The following ITGA8 variants were observed in gnomAD, a reference collection of about 807,000 sequenced individuals.
The protein encoded by ITGA8 is integrin subunit alpha 8, also known as integrin alpha-8.
Under a neutral mutation model 142.3 loss-of-function variants are expected in ITGA8, and 91 were observed. That is an observed-to-expected ratio of 0.64 (90% CI 0.54 to 0.76). ITGA8 has a LOEUF of 0.76. ITGA8 is among the 30% of genes least tolerant of loss of function. ITGA8 has a pLI of 0.00. For missense variants in ITGA8, 1,406 were observed against 1,327.7 expected, an observed-to-expected ratio of 1.06 and a Z score of -0.92; for synonymous variants, 505 against 485.2, an observed-to-expected ratio of 1.04 and a Z score of -0.54.
intron 27 of ITGA8, among the ~76,000 whole-genome samples, chr10:15,538,472 A>G (rs1320882461): frequency 1.4e-5 from 2 of 145,354 alleles, no homozygotes; most frequent in Non-Finnish European, 3.0e-5. Flanking sequence ...AGATCATGCC[A>G]CTGTACTCCA....
At chr10:15,586,744 A>G (rs1263651015) in intron 22 of ITGA8, 80 bp from the exon 23 acceptor site, 6 of 810,732 alleles carry the variant, frequency 7.4e-6, no homozygotes, top group Admixed American at 1.9e-5. Flanking sequence ...AACATTCTAC[A>G]TATCACAGGA....
chr10:15,699,314 G>A (rs1432137657), intron 2 of ITGA8, among the ~76,000 whole-genome samples: 1 of 151,996 alleles, frequency 6.6e-6, no homozygotes, highest in Non-Finnish European at 1.5e-5. Context: ...ACAAAAACAT[G>A]GCATTATATT....
rs1011288851 is a variant in ITGA8, at chr10:15,515,073, A to G, written c.*2085T>C. 1.3e-5 allele frequency: 2 copies of G among 152,198 alleles called. No homozygotes were observed. The highest frequency in any genetic ancestry group is 1.3e-4 in the Admixed American group (2 of 15,272). The allele number at this position is 152,198 out of a possible 1,614,324, so 9.4% of individuals were successfully genotyped here. On this transcript the variant is annotated 3_prime_UTR_variant, in exon 30 of 30. Transcript: ENST00000378076. ...TTAGGACCCCAAATCCCAAGGAGCT[A>G]ATCTCTATTGGTCACAGATCAGCCA...
intron 20 of ITGA8, among the ~76,000 whole-genome samples, chr10:15,598,055 C>A (rs1291954717): frequency 2.0e-5 from 3 of 152,138 alleles, no homozygotes; most frequent in African/African-American, 4.8e-5. Flanking sequence ...AGAAACCCAC[C>A]CCTCACTCTC....
intron 13 of ITGA8, among the ~76,000 whole-genome samples, chr10:15,629,548 T>A (rs1358769831): frequency 2.0e-5 from 3 of 151,858 alleles, no homozygotes; most frequent in African/African-American, 7.3e-5. Context: ...GCAGGCATGA[T>A]TATTTTTCCC....
chr10:15,684,735 C>T (rs1020378002), intron 3 of ITGA8, among the ~76,000 whole-genome samples: 6 of 151,866 alleles, frequency 4.0e-5, no homozygotes, highest in African/African-American at 7.3e-5. Flanking sequence ...TTCCTAAAAG[C>T]GAATAACTCA....
intron 7 of ITGA8, 24 bp downstream of exon 7, chr10:15,672,600 A>C (rs773227086): frequency 6.3e-7 from 1 of 1,591,128 alleles, no homozygotes; most frequent in South Asian, 1.2e-5. Flanking sequence ...AAAAACCACA[A>C]ATGTCTTGGG....
chr10:15,713,669 AC>A (rs1424522698), intron 2 of ITGA8, among the ~76,000 whole-genome samples: 4 of 152,158 alleles, frequency 2.6e-5, no homozygotes, highest in African/African-American at 9.7e-5. Context: ...CTATAAAAAA[AC>A]AACCCTAAGC....
chr10:15,578,831 T>C (rs1165782795), intron 23 of ITGA8, among the ~76,000 whole-genome samples: 1 of 152,116 alleles, frequency 6.6e-6, no homozygotes, highest in Admixed American at 6.5e-5. Flanking sequence ...CTGTCTCTTG[T>C]GGCCAAGTTT....
At chr10:15,584,888 C>G (rs1417637924) in intron 23 of ITGA8, among the ~76,000 whole-genome samples, 1 of 152,018 alleles carries the variant, frequency 6.6e-6, no homozygotes, top group Non-Finnish European at 1.5e-5. Flanking sequence ...GAAACCCTGT[C>G]TCTACTAAAA....
intron 13 of ITGA8, among the ~76,000 whole-genome samples, chr10:15,632,662 C>A (rs1187050537): frequency 6.6e-6 from 1 of 152,060 alleles, no homozygotes; most frequent in Non-Finnish European, 1.5e-5. Flanking sequence ...AAGGTCACTA[C>A]AGCTTGAAAT....
At chr10:15,523,756 CAAAA>C (rs11388685) in intron 28 of ITGA8, among the ~76,000 whole-genome samples, 19 of 117,104 alleles carry the variant, frequency 1.6e-4, no homozygotes, top group African/African-American at 5.7e-4. Context: ...CTAAAAATAC[CAAAA>C]AAAAAAAAAA....
intron 2 of ITGA8, among the ~76,000 whole-genome samples, chr10:15,692,653 C>T (rs1345469362): frequency 6.6e-6 from 1 of 152,218 alleles, no homozygotes; most frequent in East Asian, 1.9e-4. Flanking sequence ...CACATGTCTA[C>T]ACAGCCACAG....
chr10:15,663,586 T>TG (rs397847513), intron 8 of ITGA8, among the ~76,000 whole-genome samples: 48 of 152,068 alleles, frequency 3.2e-4, no homozygotes, highest in Non-Finnish European at 5.6e-4. Flanking sequence ...TTTTTTTTTT[T>TG]GGACGAGATC....
chr10:15,562,037 A>C (rs12411703), intron 25 of ITGA8, among the ~76,000 whole-genome samples: 58,994 of 151,994 alleles, frequency 0.39, 12,008 homozygotes, highest in African/African-American at 0.5. Flanking sequence ...ATCACGAGAA[A>C]AGCATGGCTG....
chr10:15,566,669 AG>A (rs1834086509), intron 25 of ITGA8, among the ~76,000 whole-genome samples: 1 of 151,562 alleles, frequency 6.6e-6, no homozygotes, highest in Non-Finnish European at 1.5e-5. Context: ...AAAATCAGCA[AG>A]GTGGGTGGTA....
intron 2 of ITGA8, among the ~76,000 whole-genome samples, chr10:15,694,326 A>AATATATCATATATCAG (rs1461472957): frequency 1.5e-5 from 2 of 132,548 alleles, no homozygotes; most frequent in Non-Finnish European, 3.0e-5. Flanking sequence ...TATATATGAT[A>AATATATCATATATCAG]ATATATCATA....
At chr10:15,537,952 T>C (rs1833480108) in intron 27 of ITGA8, among the ~76,000 whole-genome samples, 2 of 137,986 alleles carry the variant, frequency 1.4e-5, no homozygotes, top group East Asian at 2.0e-4. Context: ...ACTTCATCTC[T>C]ACAAAAAACA....
intron 13 of ITGA8, among the ~76,000 whole-genome samples, chr10:15,638,462 T>C (rs1229705066): frequency 6.6e-6 from 1 of 152,150 alleles, no homozygotes; most frequent in Non-Finnish European, 1.5e-5. Context: ...AGAAAAGGGT[T>C]TACATCAGAC....
Sources: allele counts gnomAD v4.1 joint callset (sites outside exome capture counted in the v4.1 genomes callset), GRCh38; gene constraint gnomAD v4.1.1; transcripts MANE v1.5; gene names NCBI Gene and HGNC (gene_info 2026-07-23, HGNC 2026-07-21).